Variants in AZIN1 observed in about 807,000 individuals in gnomAD.
AZIN1 encodes antizyme inhibitor 1.
AZIN1 carries 12 observed loss-of-function variants against 47.4 expected under a neutral mutation model. The ratio of observed to expected loss-of-function variants is 0.25; its 90% CI spans 0.16 to 0.41. The LOEUF (loss-of-function observed/expected upper bound fraction) is 0.41. Ranked by LOEUF, AZIN1 falls within the 10% of genes least tolerant of loss-of-function variation. The pLI is 1.00. For synonymous variants in AZIN1, 155 were observed against 176.3 expected, an observed-to-expected ratio of 0.88 and a Z score of 0.96; for missense variants, 410 against 532.4, an observed-to-expected ratio of 0.77 and a Z score of 2.26.
rs1337479946 is a variant in AZIN1, at chr8:102,829,891, T to C, written c.950A>G (p.Asn317Ser). The change falls in exon 10 of 12, where the codon AAT (asparagine) becomes AGT (serine). Residue 317 changes from asparagine to serine, a missense_variant. By Grantham distance (46) the Asn-to-Ser change is conservative. This residue lies in a region of AZIN1 where 168 missense variants were observed against 198.3 expected (regional missense o/e 0.85). Coordinates refer to ENST00000337198, the MANE Select transcript of AZIN1 (RefSeq NM_148174.4). ...SDEPAFMYYM[N>S]DGVYGSFASK... The stretch of plus-strand genomic sequence containing the variant: ...TGCAAAAGAACCATAAACACCATCA[T>C]TCATATAATACATGAAGGCTGGTTC... The C allele has an allele frequency of 6.2e-7, 1 of 1,613,448 alleles. No homozygotes were observed. The highest frequency in any genetic ancestry group is 1.3e-5 in the African/African-American group (1 of 74,900).
At chr8:102,854,892 G>A (rs138986709) in intron 2 of AZIN1, among the ~76,000 whole-genome samples, 1 of 152,022 alleles carries the variant, frequency 6.6e-6, no homozygotes, top group East Asian at 1.9e-4. Context: ...ATGTGATAAT[G>A]AATCTGACCA....
At chr8:102,844,278 C>A (rs1239263308) in intron 2 of AZIN1, among the ~76,000 whole-genome samples, 1 of 151,914 alleles carries the variant, frequency 6.6e-6, no homozygotes, top group South Asian at 2.1e-4. Context: ...AGGCCCAGGC[C>A]GGTAGATTGC....
At chr8:102,831,931 G>A (rs186313181) in intron 9 of AZIN1, among the ~76,000 whole-genome samples, 2 of 152,200 alleles carry the variant, frequency 1.3e-5, no homozygotes, top group Admixed American at 6.5e-5. Flanking sequence ...CTCCAGCCTG[G>A]GCGACAAAAC....
intron 5 of AZIN1, among the ~76,000 whole-genome samples, chr8:102,837,993 G>T (rs1435179378): frequency 3.3e-5 from 5 of 152,154 alleles, no homozygotes; most frequent in Non-Finnish European, 7.4e-5. Context: ...GAGTGCAGTG[G>T]CTCGATCTTG....
At position 102,827,232 on chromosome 8, in the gene AZIN1, T is replaced by C. The variant is rs1165264785; in HGVS notation, c.*1335A>G. On this transcript the variant is annotated 3_prime_UTR_variant, in exon 12 of 12. Coordinates refer to ENST00000337198, the MANE Select transcript of AZIN1 (RefSeq NM_148174.4). ...AAATGACCCCTGTTGTTTATTACTA[T>C]TGTGATTCTGAGATCTAGGATTTCT... 1 of 152,550 alleles carries C rather than the reference T, an allele frequency of 6.6e-6. No individual in the cohort carries two copies. Among genetic ancestry groups the C allele is most frequent in the East Asian group, 1.9e-4 (1 of 5,206 alleles). 9.4% of individuals were successfully genotyped at this position (152,550 alleles called of 1,614,324 possible). A position where few individuals can be genotyped will look rare whatever the true frequency, so the allele number is the denominator to read the frequency against.
chr8:102,859,276 G>A (rs1490466984), intron 1 of AZIN1: 1 of 152,134 alleles, frequency 6.6e-6, no homozygotes, highest in African/African-American at 2.4e-5. Flanking sequence ...CAACACCAAC[G>A]TAATTTTCTA....
chr8:102,853,698 CTACTT>C (rs1408023283), intron 2 of AZIN1, among the ~76,000 whole-genome samples: 36 of 152,280 alleles, frequency 2.4e-4, no homozygotes, highest in African/African-American at 6.3e-4. Context: ...ACCATTGACT[CTACTT>C]TATGTATGCC....
rs1006264455 is a variant in AZIN1, at chr8:102,834,378, A to G, written c.667-115T>C. ...TCTGTTCTGATCTTTAGTACAGCAA[A>G]TTCTTGGTTTTTTACTGATAGAAAC... is the stretch of plus-strand genomic sequence containing the variant. On this transcript the variant is annotated intron_variant, in intron 7 of 11. Transcript: ENST00000337198. 4.9e-6 allele frequency: 4 copies of G among 821,788 alleles called. No homozygotes were observed. The African/African-American group carries it at 6.9e-5, about 14-fold the overall frequency. The allele number at this position is 821,788 out of a possible 1,614,324, so 50.9% of individuals were successfully genotyped here. A position where few individuals can be genotyped will look rare whatever the true frequency, so the allele number is the denominator to read the frequency against.
Position 102,833,094 on chromosome 8 carries a change from G to T in AZIN1, c.866C>A (p.Ala289Glu). 6.2e-7 allele frequency: 1 copy of T among 1,612,624 alleles called. No individual in the cohort carries two copies. The highest frequency in any genetic ancestry group is 2.2e-5 in the East Asian group (1 of 44,838). ...SAFTLAVNII[A>E]KKVVENDKFP... ...TTTATCATTTTCAACAACTTTCTTT[G>T]CTATGATATTAACTGCGAGTGTAAA... is the stretch of plus-strand genomic sequence containing the variant. Residue 289 changes from alanine (A) to glutamate (E), a missense_variant, in exon 9 of 12, where the codon GCA becomes GAA. This residue lies in a region of AZIN1 where 168 missense variants were observed against 198.3 expected (regional missense o/e 0.85). Coordinates refer to ENST00000337198, the MANE Select transcript of AZIN1 (RefSeq NM_148174.4).
chr8:102,833,459 G>T (rs1274037158), intron 8 of AZIN1, among the ~76,000 whole-genome samples: 2 of 143,592 alleles, frequency 1.4e-5, no homozygotes, highest in Admixed American at 6.8e-5. Context: ...AATACCCACT[G>T]GTATTTGTTT....
In AZIN1 at chr8:102,835,125, A is replaced by G. The variant is rs546206552; in HGVS notation, c.585-378T>C. ...AGTTGAGCATAAAACTGAACATTCA[A>G]TTTTACCCAACCAAATACAAAAATG... is the stretch of plus-strand genomic sequence containing the variant. On this transcript the variant is annotated intron_variant, in intron 6 of 11. Transcript: ENST00000337198. 12 of 160,918 alleles carry G rather than the reference A, an allele frequency of 7.5e-5. No individual in the cohort carries two copies. In the South Asian group the frequency reaches 2.2e-3, roughly 30 times the overall value. 10.0% of individuals were successfully genotyped at this position (160,918 alleles called of 1,614,324 possible).
At chr8:102,831,200 A>G (rs1811434104) in intron 9 of AZIN1, among the ~76,000 whole-genome samples, 1 of 152,172 alleles carries the variant, frequency 6.6e-6, no homozygotes, top group African/African-American at 2.4e-5. Flanking sequence ...CAAGGGAAAA[A>G]TAAGAGTAAC....
chr8:102,850,904 TAA>T (rs1586194178), intron 2 of AZIN1, among the ~76,000 whole-genome samples: 3 of 152,164 alleles, frequency 2.0e-5, no homozygotes, highest in Admixed American at 2.0e-4. Context: ...CCCAACAGGC[TAA>T]GTTTGAAGTG....
chr8:102,838,991 T>C (rs1812003365), intron 4 of AZIN1, 75 bp from the exon 5 acceptor site: 7 of 1,321,106 alleles, frequency 5.3e-6, no homozygotes, highest in Non-Finnish European at 6.3e-6. Context: ...CTAATACTAT[T>C]ACCCCCACCC....
rs879450499 is a variant in AZIN1 at position 102,828,368 on chromosome 8, C to T, written c.*199G>A. 3 of 441,228 alleles carry T rather than the reference C, an allele frequency of 6.8e-6. No individual in the cohort carries two copies. Among genetic ancestry groups the T allele is most frequent in the Non-Finnish European group, 8.2e-6 (2 of 245,174 alleles). The allele number at this position is 441,228 out of a possible 1,614,324, so 27.3% of individuals were successfully genotyped here. On this transcript the variant is annotated 3_prime_UTR_variant, in exon 12 of 12. Coordinates refer to ENST00000337198, the MANE Select transcript of AZIN1 (RefSeq NM_148174.4). ...AAACTGGTAGGTTTAAATCTGGATA[C>T]ATTATCTAAATCTCCCATTATCCCC... is the stretch of plus-strand genomic sequence containing the variant.
At chr8:102,847,328 A>C (rs1005666892) in intron 2 of AZIN1, among the ~76,000 whole-genome samples, 8 of 149,302 alleles carry the variant, frequency 5.4e-5, no homozygotes, top group African/African-American at 2.0e-4. Context: ...CAGCCTGAGC[A>C]ATATAGGGAG....
intron 9 of AZIN1, among the ~76,000 whole-genome samples, chr8:102,832,653 T>A (rs951486968): frequency 6.6e-6 from 1 of 152,046 alleles, no homozygotes; most frequent in African/African-American, 2.4e-5. Context: ...ATTTTTTTTT[T>A]TTTTGAGACG....
intron 2 of AZIN1, among the ~76,000 whole-genome samples, chr8:102,856,801 T>C (rs938692738): frequency 3.3e-5 from 5 of 152,236 alleles, no homozygotes; most frequent in African/African-American, 4.8e-5. Context: ...TGACTTAGTA[T>C]TGAAACAGCA....
rs1473711803 is a variant in AZIN1 at position 102,829,540 on chromosome 8, A to G, written c.1021-54T>C. 39 of 1,441,262 alleles carry G rather than the reference A, an allele frequency of 2.7e-5. No individual in the cohort carries two copies. The East Asian group carries it at 8.9e-4, about 33-fold the overall frequency. 89.3% of individuals were successfully genotyped at this position (1,441,262 alleles called of 1,614,324 possible). ...TTACTCATACTTACGCAGGTATTGA[A>G]TTTGTGAGTAAATAAGTATTTTCAC... On this transcript the variant is annotated intron_variant, in intron 10 of 11. Transcript: ENST00000337198.
Sources: gnomAD v4.1 joint callset for allele counts (sites outside exome capture counted in the v4.1 genomes callset) on GRCh38, gnomAD v4.1.1 for gene constraint, gnomAD v4.1.1 regional missense constraint, MANE v1.5 for transcripts, NCBI Gene and HGNC (gene_info 2026-07-23, HGNC 2026-07-21) for gene names.